The following NCKAP5 variants were observed in gnomAD, a reference collection of about 807,000 sequenced individuals.
NCKAP5 encodes nck-associated protein 5.
In NCKAP5, 92 loss-of-function variants were observed where a neutral mutation model predicts 167.0. That is an observed-to-expected ratio of 0.55 (90% CI 0.47 to 0.66). The LOEUF is 0.66. Ranked by LOEUF, NCKAP5 falls within the 30% of genes least tolerant of loss-of-function variation. NCKAP5 has a pLI of 0.00. For synonymous variants in NCKAP5, 891 were observed against 877.4 expected (o/e 1.02, Z -0.27); for missense variants, 2,378 against 2,315.0 (o/e 1.03, Z -0.56).
chr2:132,847,067 G>A (rs955614364), intron 11 of NCKAP5, among the ~76,000 whole-genome samples: 3 of 151,998 alleles, frequency 2.0e-5, no homozygotes, highest in African/African-American at 7.3e-5. Context: ...TTAAAAAGTA[G>A]GAAATGGGCC....
Position 132,788,122 on chromosome 2 carries a change from G to C in NCKAP5, c.1092+1901C>G, listed in dbSNP as rs1056107661. On this transcript the variant is annotated intron_variant, in intron 13 of 19. Transcript: ENST00000409261. Reference sequence around the variant, plus strand: ...AAGTCTAGGCCAATCTTGAAGCTTGGGGGTAGGAGACACACGAATGCCCCG... The same window carrying C: ...AAGTCTAGGCCAATCTTGAAGCTTGCGGGTAGGAGACACACGAATGCCCCG... 2.6e-5 allele frequency among the ~76,000 whole-genome samples: 4 copies of C among 152,152 alleles called. No homozygotes were observed. The East Asian group carries it at 5.8e-4, about 22-fold the overall frequency.
At chr2:133,519,462 G>A (rs938939990) in intron 2 of NCKAP5, among the ~76,000 whole-genome samples, 2 of 152,054 alleles carry the variant, frequency 1.3e-5, no homozygotes, top group South Asian at 2.1e-4. Context: ...AGCTGTTCCT[G>A]CCTACTTTGT....
intron 6 of NCKAP5, among the ~76,000 whole-genome samples, chr2:133,054,252 G>A (rs765818348): frequency 2.0e-5 from 3 of 152,158 alleles, no homozygotes; most frequent in Non-Finnish European, 4.4e-5. Flanking sequence ...GTTTAATAAA[G>A]TATTAGCAAT....
intron 16 of NCKAP5, 81 bp downstream of exon 16, chr2:132,773,735 T>C: frequency 8.9e-7 from 1 of 1,122,264 alleles, no homozygotes. Flanking sequence ...GGACATGGTC[T>C]CTAGGAATGT....
chr2:133,067,951 C>T (rs1306006643), intron 6 of NCKAP5, among the ~76,000 whole-genome samples: 2 of 152,014 alleles, frequency 1.3e-5, no homozygotes, highest in East Asian at 1.9e-4. Flanking sequence ...AACTTTATTC[C>T]CCTCATGAAT....
At chr2:132,841,473 C>T (rs1688290634) in intron 11 of NCKAP5, among the ~76,000 whole-genome samples, 1 of 152,044 alleles carries the variant, frequency 6.6e-6, no homozygotes, top group Non-Finnish European at 1.5e-5. Context: ...TAAAGGAATA[C>T]AGTTTTCATT....
intron 16 of NCKAP5, among the ~76,000 whole-genome samples, chr2:132,761,601 G>A (rs1681015744): frequency 6.6e-6 from 1 of 152,208 alleles, no homozygotes. Flanking sequence ...TTCTGTGAGA[G>A]GATTTTGAAA....
chr2:132,793,863 A>G (rs1684272739), intron 12 of NCKAP5, among the ~76,000 whole-genome samples: 1 of 152,180 alleles, frequency 6.6e-6, no homozygotes, highest in Admixed American at 6.5e-5. Context: ...TTTGAATTTA[A>G]TAAGGGATGC....
chr2:132,886,280 T>C (rs919064843), intron 8 of NCKAP5, among the ~76,000 whole-genome samples: 2 of 152,262 alleles, frequency 1.3e-5, no homozygotes, highest in African/African-American at 4.8e-5. Context: ...GCTTATCATT[T>C]AATACTATCT....
intron 3 of NCKAP5, among the ~76,000 whole-genome samples, chr2:133,325,189 CT>C (rs950050019): frequency 6.6e-6 from 1 of 152,136 alleles, no homozygotes; most frequent in Non-Finnish European, 1.5e-5. Context: ...AGAACCATAG[CT>C]TTACCATGTT....
At position 132,963,879 on chromosome 2, in the gene NCKAP5, GA is replaced by G; in HGVS notation, c.430-11del. On this transcript the variant is annotated splice_polypyrimidine_tract_variant and intron_variant, in intron 7 of 19. Transcript: ENST00000409261. Reference sequence around the variant, plus strand: ...CCTCTGACAGCTTTTCCTGAAGCAAGAAAGAATTACTGTTTTCAATAATCTC... The same window carrying G: ...CCTCTGACAGCTTTTCCTGAAGCAAGAAGAATTACTGTTTTCAATAATCTC... 3 of 1,613,100 alleles carry G rather than the reference GA, an allele frequency of 1.9e-6. No individual in the cohort carries two copies. Among genetic ancestry groups the G allele is most frequent in the Non-Finnish European group, 2.5e-6 (3 of 1,179,740 alleles).
At chr2:133,322,608 A>G (rs1165914998) in intron 3 of NCKAP5, among the ~76,000 whole-genome samples, 1 of 152,228 alleles carries the variant, frequency 6.6e-6, no homozygotes, top group Non-Finnish European at 1.5e-5. Context: ...ATTAAAAGTA[A>G]AAGTTGAAAA....
chr2:133,500,950 A>G (rs151278368), intron 3 of NCKAP5, among the ~76,000 whole-genome samples: 2 of 152,326 alleles, frequency 1.3e-5, no homozygotes, highest in Non-Finnish European at 2.9e-5. Context: ...CTACAGCTGT[A>G]CTGGGAACAC....
At chr2:133,124,799 G>T (rs1200513403) in intron 6 of NCKAP5, among the ~76,000 whole-genome samples, 1 of 152,206 alleles carries the variant, frequency 6.6e-6, no homozygotes, top group Non-Finnish European at 1.5e-5. Context: ...TGGTTCACCA[G>T]CACGTTGGGA....
chr2:133,199,557 AACTG>A (rs1209973164), intron 5 of NCKAP5, among the ~76,000 whole-genome samples: 2 of 152,064 alleles, frequency 1.3e-5, no homozygotes, highest in South Asian at 2.1e-4. Flanking sequence ...CTAAAAATAA[AACTG>A]ACTATTTCAA....
intron 19 of NCKAP5, among the ~76,000 whole-genome samples, chr2:132,708,905 T>C (rs2033332): frequency 0.62 from 93,914 of 151,998 alleles, 29,302 homozygotes; most frequent in East Asian, 0.85. Context: ...CATTGATGAA[T>C]AGAAGCTCCT....
At chr2:133,586,251 T>G in the NCKAP5 span, among the ~76,000 whole-genome samples, 1 of 152,180 alleles carries the variant, frequency 6.6e-6, no homozygotes. Flanking sequence ...GGGTCCAGCC[T>G]GCCAACACAA....
chr2:133,097,138 T>G (rs1249938494), intron 6 of NCKAP5, among the ~76,000 whole-genome samples: 1 of 152,126 alleles, frequency 6.6e-6, no homozygotes, highest in Non-Finnish European at 1.5e-5. Flanking sequence ...GATTTTAGCA[T>G]GTGACACCCT....
At chr2:132,732,518 T>C (rs533795587) in intron 16 of NCKAP5, among the ~76,000 whole-genome samples, 1 of 152,312 alleles carries the variant, frequency 6.6e-6, no homozygotes, top group East Asian at 1.9e-4. Context: ...GTGGACCTTT[T>C]TGAACCTGAA....
Sources: allele counts gnomAD v4.1 joint callset (sites outside exome capture counted in the v4.1 genomes callset), GRCh38; gene constraint gnomAD v4.1.1; transcripts MANE v1.5; gene names NCBI Gene and HGNC (gene_info 2026-07-23, HGNC 2026-07-21).